Variants in GTF3C5 observed in about 807,000 individuals in gnomAD.
GTF3C5 encodes the protein general transcription factor IIIC subunit 5.
In GTF3C5, 47 loss-of-function variants were observed where a neutral mutation model predicts 61.0. That is an observed-to-expected ratio of 0.77 (90% CI 0.61 to 0.98). The LOEUF (loss-of-function observed/expected upper bound fraction) is 0.98, where lower values mean the gene tolerates loss of function less well. Among genes scored for constraint, GTF3C5 ranks in the 50% least tolerant of loss-of-function variants. The pLI is 0.00. For synonymous variants in GTF3C5, 295 were observed against 275.4 expected (o/e 1.07, Z -0.71); for missense variants, 659 against 703.3 (o/e 0.94, Z 0.71).
intron 9 of GTF3C5, 27 bp downstream of exon 9, chr9:133,056,121 CTG>C (rs768795851): frequency 2.2e-5 from 35 of 1,593,494 alleles, no homozygotes; most frequent in Non-Finnish European, 2.8e-5. Context: ...CCCTGAGACA[CTG>C]AGGGGGGCCC....
At chr9:133,053,799 C>A in intron 5 of GTF3C5, 29 bp from the exon 6 acceptor site, 1 of 1,466,588 alleles carries the variant, frequency 6.8e-7, no homozygotes, top group Non-Finnish European at 9.5e-7. Flanking sequence ...TTCACCTCAC[C>A]TCACATTTTC....
intron 1 of GTF3C5, among the ~76,000 whole-genome samples, chr9:133,038,528 G>A (rs1280946600): frequency 6.7e-6 from 1 of 148,592 alleles, no homozygotes; most frequent in Non-Finnish European, 1.5e-5. Context: ...TCGGCTCACT[G>A]TAACCTCCGC....
chr9:133,040,827 G>A (rs1431386685), intron 1 of GTF3C5, among the ~76,000 whole-genome samples: 1 of 152,170 alleles, frequency 6.6e-6, no homozygotes, highest in Non-Finnish European at 1.5e-5. Context: ...GAGGGCATGA[G>A]CTGTTCCAGT....
chr9:133,043,431 A>G (rs1005843234), intron 2 of GTF3C5, among the ~76,000 whole-genome samples: 3 of 152,210 alleles, frequency 2.0e-5, no homozygotes, highest in African/African-American at 7.2e-5. Flanking sequence ...GTGCAAAGGT[A>G]ATTGCAGGTT....
chr9:133,053,510 AG>A lies in GTF3C5; in HGVS notation c.874-316del, dbSNP rs542517421. Among the ~76,000 whole-genome samples the A allele has an allele frequency of 2.2e-4, 33 of 152,280 alleles. No individual in the cohort carries two copies. The South Asian group carries it at 6.6e-3, about 31-fold the overall frequency. ...TGAGGTAGGAGGATCACTTGAGCCCAGGAGGTTGAGGCTGCAGTGAACCGTG... is the reference window on the plus strand; with the variant it reads ...TGAGGTAGGAGGATCACTTGAGCCCAGAGGTTGAGGCTGCAGTGAACCGTG... On this transcript the variant is annotated intron_variant, in intron 5 of 10. Transcript: ENST00000372097.
In GTF3C5 at chr9:133,050,776, C is replaced by G. The variant is rs201480628; in HGVS notation, c.573-7C>G. 87 of 1,605,692 alleles carry G rather than the reference C, an allele frequency of 5.4e-5. No homozygotes were observed. In the African/African-American group the frequency reaches 1.1e-3, roughly 20 times the overall value. Reference sequence around the variant, plus strand: ...CTCCTGTTCTCACCTGTACTCTCTGCCCCCAGGGAAGGCTACAACAATCCC... The same window carrying G: ...CTCCTGTTCTCACCTGTACTCTCTGGCCCCAGGGAAGGCTACAACAATCCC... On this transcript the variant is annotated splice_polypyrimidine_tract_variant and splice_region_variant and intron_variant, in intron 3 of 10. Coordinates refer to ENST00000372097, the MANE Select transcript of GTF3C5 (RefSeq NM_012087.4).
rs1168608056 is a variant in GTF3C5 at position 133,058,219 on chromosome 9, C to T, written c.*239C>T. ...CCCAAAGGGTATACCCTGGCTCTGC[C>T]ACCCATGAACCAGCCCAGCATCCAG... On this transcript the variant is annotated 3_prime_UTR_variant, in exon 11 of 11. Coordinates refer to ENST00000372097, the MANE Select transcript of GTF3C5 (RefSeq NM_012087.4). The T allele has an allele frequency of 4.6e-5, 57 of 1,248,970 alleles. No individual in the cohort carries two copies. Among genetic ancestry groups the T allele is most frequent in the Non-Finnish European group, 5.1e-5 (50 of 980,440 alleles). 77.4% of individuals were successfully genotyped at this position (1,248,970 alleles called of 1,614,324 possible).
rs1029335527 is a variant in GTF3C5, at chr9:133,053,811, C to G, written c.874-17C>G. On this transcript the variant is annotated splice_polypyrimidine_tract_variant and intron_variant, in intron 5 of 10. Transcript: ENST00000372097. ...GCCTTCACCTCACCTCACATTTTCC[C>G]CACTTTTCTGTCCCAGATAACAGGC... 4 of 1,551,698 alleles carry G rather than the reference C, an allele frequency of 2.6e-6. No homozygotes were observed. Among genetic ancestry groups the G allele is most frequent in the Non-Finnish European group, 3.5e-6 (4 of 1,128,408 alleles).
chr9:133,058,201 G>C lies in GTF3C5; in HGVS notation c.*221G>C. ...TGAGGGGTTAGGGACATCCCCAAAG[G>C]GTATACCCTGGCTCTGCCACCCATG... On this transcript the variant is annotated 3_prime_UTR_variant, in exon 11 of 11. Coordinates refer to ENST00000372097, the MANE Select transcript of GTF3C5 (RefSeq NM_012087.4). 2 of 1,333,230 alleles carry C rather than the reference G, an allele frequency of 1.5e-6. No individual in the cohort carries two copies. The highest frequency in any genetic ancestry group is 1.9e-6 in the Non-Finnish European group (2 of 1,037,716). The allele number at this position is 1,333,230 out of a possible 1,614,324, so 82.6% of individuals were successfully genotyped here.
At chr9:133,057,649 C>A (rs1242659632) in intron 10 of GTF3C5, among the ~76,000 whole-genome samples, 165 bp from the exon 11 acceptor site, 1 of 152,118 alleles carries the variant, frequency 6.6e-6, no homozygotes, top group Non-Finnish European at 1.5e-5. Flanking sequence ...CGTCAAACTA[C>A]AGCTTCCCTG....
In GTF3C5 at chr9:133,048,582, T is replaced by C. The variant is rs145301985; in HGVS notation, c.573-2201T>C. ...TACTTGGGGGGCTGAGGCAGGAGAA[T>C]CGCTTGAACCCAGGATGTGGAGGTT... is the stretch of plus-strand genomic sequence containing the variant. On this transcript the variant is annotated intron_variant, in intron 3 of 10. Transcript: ENST00000372097. 2.6e-5 allele frequency among the ~76,000 whole-genome samples: 4 copies of C among 152,248 alleles called. No individual in the cohort carries two copies. The East Asian group carries it at 7.7e-4, about 29-fold the overall frequency.
rs545045896 is a variant in GTF3C5, at chr9:133,047,193, C to G, written c.572+3267C>G. Among the ~76,000 whole-genome samples, 23 of 152,174 alleles carry G rather than the reference C, an allele frequency of 1.5e-4. No individual in the cohort carries two copies. The East Asian group carries it at 4.3e-3, about 28-fold the overall frequency. On this transcript the variant is annotated intron_variant, in intron 3 of 10. Coordinates refer to ENST00000372097, the MANE Select transcript of GTF3C5 (RefSeq NM_012087.4). ...CTACGCAACAGAATTAATAGCACTC[C>G]CCAACATCACCCACAACCAGTCCTT...
chr9:133,052,794 CGACCTGTGCTGCTTGGCGT>C (rs1850426010), intron 5 of GTF3C5, among the ~76,000 whole-genome samples: 1 of 152,080 alleles, frequency 6.6e-6, no homozygotes, highest in Admixed American at 6.5e-5. Context: ...CTCAGGAGAG[CGACCTGTGCTGCTTGGCGT>C]TGGCATTTTA....
rs756361550 is a variant in GTF3C5 at position 133,050,967 on chromosome 9, G to T, written c.757G>T (p.Glu253Ter). The T allele has an allele frequency of 4.4e-6, 7 of 1,607,596 alleles. No individual in the cohort carries two copies. The Admixed American group carries it at 5.1e-5, about 12-fold the overall frequency. The change falls in exon 4 of 11, where the codon GAG becomes TAG. Residue 253 changes from glutamate to a stop codon, truncating the protein, a stop_gained. Coordinates refer to ENST00000372097, the MANE Select transcript of GTF3C5 (RefSeq NM_012087.4). LOFTEE classifies it high-confidence loss of function. ...CCCCGTGGACCGGAAGGTGGAGGAG[G>T]AGCTGAGGAAGGCAAGTCCTGCGCT... ...TNPVDRKVEE[E>*]LRKLFDIRPI...
At chr9:133,051,790 A>C (rs552912568) in intron 4 of GTF3C5, among the ~76,000 whole-genome samples, 1 of 152,182 alleles carries the variant, frequency 6.6e-6, no homozygotes, top group Non-Finnish European at 1.5e-5. Flanking sequence ...TGTGGGCTCT[A>C]TGAGGACAGC....
Position 133,043,891 on chromosome 9 carries a change from G to T in GTF3C5, c.537G>T (p.Pro179=), listed in dbSNP as rs36017796. Reference sequence around the variant, plus strand: ...CCATCTTCTCCCGGCTGGACGCCCCGGTGGACTACTTCTACCGACCAGAGA... The same window carrying T: ...CCATCTTCTCCCGGCTGGACGCCCCTGTGGACTACTTCTACCGACCAGAGA... The part of the protein sequence containing the change: ...PPPIFSRLDA[P]VDYFYRPETQ... The change falls in exon 3 of 11, where the codon CCG becomes CCT. Residue 179 remains proline (P), a synonymous_variant. Coordinates refer to ENST00000372097, the MANE Select transcript of GTF3C5 (RefSeq NM_012087.4). 3.0e-3 allele frequency: 4,840 copies of T among 1,613,996 alleles called. 148 individuals are homozygous for T. The African/African-American group carries it at 0.058, about 19-fold the overall frequency.
At chr9:133,055,920 G>A (rs1313636031) in intron 8 of GTF3C5, 92 bp from the exon 9 acceptor site, 4 of 1,569,182 alleles carry the variant, frequency 2.5e-6, no homozygotes, top group Non-Finnish European at 3.5e-6. Flanking sequence ...GCTCCCTGGA[G>A]AGACCCCATG....
At chr9:133,039,697 G>A (rs967006182) in intron 1 of GTF3C5, among the ~76,000 whole-genome samples, 3 of 152,174 alleles carry the variant, frequency 2.0e-5, no homozygotes, top group East Asian at 3.8e-4. Flanking sequence ...TGAATCTGCC[G>A]GGATCTTGCT....
intron 3 of GTF3C5, chr9:133,044,243 C>T: frequency 2.7e-6 from 1 of 370,124 alleles, no homozygotes; most frequent in East Asian, 6.1e-5. Context: ...CAGTTCTCAG[C>T]ACAGGGCTGA....
Sources: allele counts gnomAD v4.1 joint callset (sites outside exome capture counted in the v4.1 genomes callset), GRCh38; gene constraint gnomAD v4.1.1; transcripts MANE v1.5; gene names NCBI Gene and HGNC (gene_info 2026-07-23, HGNC 2026-07-21).